The following CHST11 variants were observed in gnomAD, a reference collection of about 807,000 sequenced individuals.
CHST11 encodes C4S-1.
In CHST11, 9 loss-of-function variants were observed where a neutral mutation model predicts 30.4. The ratio of observed to expected loss-of-function variants is 0.30; its 90% CI spans 0.18 to 0.52. The LOEUF (loss-of-function observed/expected upper bound fraction) is 0.52. Among genes scored for constraint, CHST11 ranks in the 20% least tolerant of loss-of-function variants. The pLI is 0.97. For synonymous variants in CHST11, 152 were observed against 187.8 expected, an observed-to-expected ratio of 0.81 and a Z score of 1.56; for missense variants, 348 against 460.6, an observed-to-expected ratio of 0.76 and a Z score of 2.24.
At chr12:104,683,170 G>T (rs554296211) in intron 2 of CHST11, among the ~76,000 whole-genome samples, 1 of 152,306 alleles carries the variant, frequency 6.6e-6, no homozygotes, top group East Asian at 1.9e-4. Flanking sequence ...AATGAGCAGG[G>T]TTTGACACTT....
intron 2 of CHST11, among the ~76,000 whole-genome samples, chr12:104,659,992 C>T (rs1307857039): frequency 2.0e-5 from 3 of 152,060 alleles, no homozygotes; most frequent in African/African-American, 4.8e-5. Context: ...TAAAAGAAAA[C>T]GAATTAATTT....
chr12:104,718,383 C>A (rs73191453), intron 2 of CHST11, among the ~76,000 whole-genome samples: 3,107 of 152,296 alleles, frequency 0.02, 40 homozygotes, highest in Middle Eastern at 0.054. Context: ...TGCAGCTGCA[C>A]AACCACCAGG....
chr12:104,467,546 G>A (rs1488176447), intron 1 of CHST11, among the ~76,000 whole-genome samples: 2 of 152,320 alleles, frequency 1.3e-5, no homozygotes, highest in Non-Finnish European at 2.9e-5. Context: ...GCTGTATGGG[G>A]AGGGCTGATA....
At position 104,505,062 on chromosome 12, in the gene CHST11, G is replaced by T. The variant is rs953035244; in HGVS notation, c.118+47533G>T. ...CCAAACCCAGACCTTGGAACTCAGA[G>T]GCTCTTGTTTTGGCTTACAGACACC... On this transcript the variant is annotated intron_variant, in intron 1 of 2. Coordinates refer to ENST00000303694, the MANE Select transcript of CHST11 (RefSeq NM_018413.6). Among the ~76,000 whole-genome samples, 19 of 152,128 alleles carry T rather than the reference G, an allele frequency of 1.2e-4. 2 individuals carry two copies. Among genetic ancestry groups the T allele is most frequent in the Admixed American group, 1.2e-3 (19 of 15,274 alleles).
rs1050763720 is a variant in CHST11, at chr12:104,748,812, T to C, written c.205-8137T>C. ...GGGGGCTTGCTAGAAATGCAGGTTC[T>C]CAGGCCTGTCAGACCTGCTGAGTCA... On this transcript the variant is annotated intron_variant, in intron 2 of 2. Transcript: ENST00000303694. 7.2e-5 allele frequency among the ~76,000 whole-genome samples: 11 copies of C among 152,306 alleles called. 1 individual carries two copies. Among genetic ancestry groups the C allele is most frequent in the Admixed American group, 1.3e-4 (2 of 15,308 alleles).
At chr12:104,491,925 T>C (rs186823342) in intron 1 of CHST11, among the ~76,000 whole-genome samples, 4 of 152,188 alleles carry the variant, frequency 2.6e-5, no homozygotes, top group African/African-American at 2.4e-5. Flanking sequence ...CTTGCTGTGC[T>C]CCAGCCATGT....
intron 1 of CHST11, among the ~76,000 whole-genome samples, chr12:104,522,475 T>C (rs2038082609): frequency 6.6e-6 from 1 of 152,152 alleles, no homozygotes; most frequent in African/African-American, 2.4e-5. Flanking sequence ...CGTGTATTGG[T>C]GTAGGGTTCT....
intron 2 of CHST11, among the ~76,000 whole-genome samples, chr12:104,674,918 G>A (rs1204785539): frequency 1.3e-5 from 2 of 152,172 alleles, no homozygotes; most frequent in Non-Finnish European, 2.9e-5. Flanking sequence ...AACATTTAAC[G>A]CATTAAATGT....
chr12:104,650,406 T>C (rs528303514), intron 2 of CHST11, among the ~76,000 whole-genome samples: 34 of 152,356 alleles, frequency 2.2e-4, no homozygotes, highest in Admixed American at 1.0e-3. Context: ...TAGAGAATTA[T>C]CTGTTTATAC....
intron 2 of CHST11, among the ~76,000 whole-genome samples, chr12:104,613,852 G>A (rs1441923343): frequency 6.6e-6 from 1 of 152,200 alleles, no homozygotes; most frequent in Non-Finnish European, 1.5e-5. Context: ...ATCTAAAAAG[G>A]TTGAACTGGT....
chr12:104,745,667 T>G (rs2040384375), intron 2 of CHST11, among the ~76,000 whole-genome samples: 1 of 152,242 alleles, frequency 6.6e-6, no homozygotes, highest in South Asian at 2.1e-4. Flanking sequence ...CCTGGTTAGC[T>G]GTATCCCTAG....
intron 1 of CHST11, among the ~76,000 whole-genome samples, chr12:104,487,573 A>G (rs2037694113): frequency 6.6e-6 from 1 of 152,226 alleles, no homozygotes; most frequent in Admixed American, 6.5e-5. Context: ...TGTCTTGTTT[A>G]ATACAGCTTT....
At chr12:104,524,843 T>G (rs1795873) in intron 1 of CHST11, among the ~76,000 whole-genome samples, 3 of 152,252 alleles carry the variant, frequency 2.0e-5, no homozygotes, top group Admixed American at 6.5e-5. Flanking sequence ...GTCAAATTCT[T>G]CCTTGACACA....
chr12:104,585,696 A>C lies in CHST11; in HGVS notation c.119-16210A>C, dbSNP rs536099482. ...GCTAGGGCTGCCATGACAAATTCCC[A>C]CACACTGGGTGGCTTTAAACCACAG... On this transcript the variant is annotated intron_variant, in intron 1 of 2. Coordinates refer to ENST00000303694, the MANE Select transcript of CHST11 (RefSeq NM_018413.6). Among the ~76,000 whole-genome samples, 5 of 152,312 alleles carry C rather than the reference A, an allele frequency of 3.3e-5. No homozygotes were observed. The South Asian group carries it at 1.0e-3, about 32-fold the overall frequency.
At chr12:104,673,821 G>A (rs969666919) in intron 2 of CHST11, among the ~76,000 whole-genome samples, 7 of 152,224 alleles carry the variant, frequency 4.6e-5, no homozygotes, top group Non-Finnish European at 1.0e-4. Context: ...TTCCCTGGAA[G>A]GGCTGCTGAA....
At chr12:104,599,629 C>G (rs1185707969) in intron 1 of CHST11, among the ~76,000 whole-genome samples, 3 of 152,088 alleles carry the variant, frequency 2.0e-5, no homozygotes, top group Admixed American at 2.0e-4. Flanking sequence ...GAACAAAGAA[C>G]CAGTGTTTCT....
chr12:104,726,051 A>G (rs949183660), intron 2 of CHST11, among the ~76,000 whole-genome samples: 2 of 152,232 alleles, frequency 1.3e-5, no homozygotes, highest in African/African-American at 4.8e-5. Flanking sequence ...ATTGGCAAGA[A>G]CAAGGCCTAT....
chr12:104,505,408 G>T (rs79213114), intron 1 of CHST11, among the ~76,000 whole-genome samples: 1 of 152,090 alleles, frequency 6.6e-6, no homozygotes, highest in African/African-American at 2.4e-5. Flanking sequence ...CTAGACGAAC[G>T]TTTCTCAGAC....
chr12:104,638,213 G>T (rs1046508359), intron 2 of CHST11, among the ~76,000 whole-genome samples: 4 of 152,224 alleles, frequency 2.6e-5, no homozygotes, highest in South Asian at 2.1e-4. Flanking sequence ...GAAAGAAAAA[G>T]AACAGAACAA....
Sources: gnomAD v4.1 joint callset for allele counts (sites outside exome capture counted in the v4.1 genomes callset) on GRCh38, gnomAD v4.1.1 for gene constraint, MANE v1.5 for transcripts, NCBI Gene and HGNC (gene_info 2026-07-23, HGNC 2026-07-21) for gene names.